Variants in FOCAD observed in about 807,000 individuals in gnomAD.
The protein encoded by FOCAD is focadhesin.
Under a neutral mutation model 225.6 loss-of-function variants are expected in FOCAD, and 198 were observed. The ratio of observed to expected loss-of-function variants is 0.88; its 90% CI spans 0.78 to 0.99. FOCAD has a LOEUF of 0.99. FOCAD is among the 50% of genes least tolerant of loss of function. The pLI, the probability that FOCAD is intolerant of heterozygous loss-of-function variation, is 0.00. For missense variants in FOCAD, 2,713 were observed against 2,123.6 expected (o/e 1.28, Z -5.46); for synonymous variants, 897 against 755.0 (o/e 1.19, Z -3.08).
intron 18 of FOCAD, among the ~76,000 whole-genome samples, chr9:20,870,598 G>A (rs1334407662): frequency 6.6e-6 from 1 of 152,214 alleles, no homozygotes; most frequent in Admixed American, 6.5e-5. Context: ...GCTAAGATAT[G>A]TGGTAAACCA....
At chr9:20,856,704 T>C (rs765551892) in intron 15 of FOCAD, among the ~76,000 whole-genome samples, 4 of 152,082 alleles carry the variant, frequency 2.6e-5, no homozygotes, top group Admixed American at 6.6e-5. Flanking sequence ...TGTTTTCTTA[T>C]AGTAGTTTCA....
chr9:20,846,159 G>C (rs529222065), intron 15 of FOCAD, among the ~76,000 whole-genome samples: 1 of 151,948 alleles, frequency 6.6e-6, no homozygotes, highest in African/African-American at 2.4e-5. Flanking sequence ...CCTCAGCCTC[G>C]TGTGCCCTGT....
chr9:20,876,113 T>C (rs1465060103), intron 19 of FOCAD, among the ~76,000 whole-genome samples: 1 of 152,162 alleles, frequency 6.6e-6, no homozygotes, highest in Non-Finnish European at 1.5e-5. Context: ...TGCCTCCTTT[T>C]ATTAGAGAAA....
chr9:20,686,872 G>A (rs2131325478), intron 1 of FOCAD, among the ~76,000 whole-genome samples: 1 of 152,228 alleles, frequency 6.6e-6, no homozygotes, highest in Non-Finnish European at 1.5e-5. Context: ...GGATATTTGT[G>A]AATTTCCTCC....
chr9:20,792,601 G>T (rs960337124), intron 11 of FOCAD, among the ~76,000 whole-genome samples: 1 of 152,080 alleles, frequency 6.6e-6, no homozygotes, highest in Non-Finnish European at 1.5e-5. Context: ...TCTTTTACTT[G>T]CATCTTACAA....
chr9:20,913,609 C>G (rs746482201), intron 23 of FOCAD, among the ~76,000 whole-genome samples: 1 of 152,004 alleles, frequency 6.6e-6, no homozygotes, highest in Non-Finnish European at 1.5e-5. Context: ...AAAATCTGTC[C>G]GAAGATTATT....
rs1564089788 is a variant in FOCAD, at chr9:20,866,991, C to G, written c.2169C>G (p.Thr723=). Residue 723 remains threonine, a synonymous_variant, in exon 18 of 44, where the codon ACC becomes ACG. Coordinates refer to ENST00000338382, the MANE Select transcript of FOCAD (RefSeq NM_001375567.1). ...SLANFSAGEH[T]ILHLPEKIRP... ...CCAACTTTAGTGCAGGAGAACACAC[C>G]ATTCTTCATCTGCCTGAAAAGGTAG... The G allele has an allele frequency of 1.3e-6, 2 of 1,498,628 alleles. No homozygotes were observed. The highest frequency in any genetic ancestry group is 1.8e-6 in the Non-Finnish European group (2 of 1,110,050). 92.8% of individuals were successfully genotyped at this position (1,498,628 alleles called of 1,614,324 possible).
chr9:20,662,065 C>T (rs1046855562), intron 2 of FOCAD, among the ~76,000 whole-genome samples: 20 of 152,232 alleles, frequency 1.3e-4, no homozygotes, highest in Middle Eastern at 3.4e-3. Context: ...GCCTTAGTTG[C>T]ACAAAGAACT....
At chr9:20,740,031 G>A (rs907217400) in intron 4 of FOCAD, among the ~76,000 whole-genome samples, 2 of 152,084 alleles carry the variant, frequency 1.3e-5, no homozygotes, top group Non-Finnish European at 2.9e-5. Flanking sequence ...TAAGTTGGTG[G>A]TTTGATTCTT....
At chr9:20,672,042 A>T (rs1822079794) in intron 2 of FOCAD, among the ~76,000 whole-genome samples, 1 of 151,274 alleles carries the variant, frequency 6.6e-6, no homozygotes. Context: ...ACTGTAGCTT[A>T]TAAAGACAAC....
intron 35 of FOCAD, among the ~76,000 whole-genome samples, chr9:20,964,162 T>C (rs1361974049): frequency 1.3e-5 from 2 of 151,916 alleles, no homozygotes; most frequent in African/African-American, 4.8e-5. Context: ...GGTCAGGAGT[T>C]CGAGACCAGC....
At chr9:20,712,158 G>A (rs1463509611) in intron 1 of FOCAD, among the ~76,000 whole-genome samples, 3 of 151,678 alleles carry the variant, frequency 2.0e-5, no homozygotes, top group African/African-American at 7.3e-5. Context: ...GACTTTCTAC[G>A]AGACATTTCC....
rs1824346692 is a variant in FOCAD at position 20,705,931 on chromosome 9, T to TG, written c.-32-9391_-32-9390insG. Among the ~76,000 whole-genome samples, 3 of 53,796 alleles carry TG rather than the reference T, an allele frequency of 5.6e-5. No individual in the cohort carries two copies. The South Asian group carries it at 2.3e-3, about 41-fold the overall frequency. 35.3% of individuals were successfully genotyped at this position (53,796 alleles called of 152,430 possible). ...GGCATTATTCAGTTTTAAGTTTTTTTTTTTTTTTTTTTTTTTTTTTTTAAA... is the reference window on the plus strand; with the variant it reads ...GGCATTATTCAGTTTTAAGTTTTTTTGTTTTTTTTTTTTTTTTTTTTTTAAA... On this transcript the variant is annotated intron_variant, in intron 1 of 43. Coordinates refer to ENST00000338382, the MANE Select transcript of FOCAD (RefSeq NM_001375567.1).
chr9:20,770,489 G>A (rs1488129282), intron 8 of FOCAD, among the ~76,000 whole-genome samples: 3 of 152,118 alleles, frequency 2.0e-5, no homozygotes, highest in African/African-American at 7.2e-5. Flanking sequence ...GATACTACAC[G>A]CTTTTAAACA....
At chr9:20,766,084 C>A (rs1412907731) in intron 7 of FOCAD, among the ~76,000 whole-genome samples, 2 of 152,132 alleles carry the variant, frequency 1.3e-5, no homozygotes, top group African/African-American at 4.8e-5. Context: ...GGCAGAACAT[C>A]TTGAACTAGG....
chr9:20,862,973 C>A, intron 16 of FOCAD: 1 of 266,970 alleles, frequency 3.7e-6, no homozygotes, highest in East Asian at 6.9e-5. Flanking sequence ...CTAGTGTTTC[C>A]AAAATAATAG....
rs1827502403 is a variant in FOCAD at position 20,740,291 on chromosome 9, A to T, written c.343A>T (p.Lys115Ter). The T allele has an allele frequency of 6.2e-7, 1 of 1,612,382 alleles. No individual in the cohort carries two copies. The highest frequency in any genetic ancestry group is 2.2e-5 in the East Asian group (1 of 44,784). The part of the protein sequence containing the change: ...IMHLLQMQAL[K>*]EGQGGEKNIQ... ...GCACTTACTACAAATGCAAGCTCTTAAGGAAGGACAAGGTGGGGAAAAGAA... is the reference window on the plus strand; with the variant it reads ...GCACTTACTACAAATGCAAGCTCTTTAGGAAGGACAAGGTGGGGAAAAGAA... The change falls in exon 5 of 44, where the codon AAG becomes TAG. Residue 115 changes from lysine to a stop codon, truncating the protein, a stop_gained. Coordinates refer to ENST00000338382, the MANE Select transcript of FOCAD (RefSeq NM_001375567.1). LOFTEE classifies it high-confidence loss of function.
Position 20,764,969 on chromosome 9 carries a change from C to T in FOCAD, c.595C>T (p.Leu199=). 1.2e-6 allele frequency: 2 copies of T among 1,614,100 alleles called. No homozygotes were observed. Among genetic ancestry groups the T allele is most frequent in the Non-Finnish European group, 1.7e-6 (2 of 1,179,990 alleles). ...ATATGCTAAACTCCGACTAGCCCTG[C>T]TGAAAGTCTTACTTCAACCCCAGGT... The part of the protein sequence containing the change: ...QEYAKLRLAL[L]KVLLQPQVLC... Residue 199 remains leucine (L), a synonymous_variant, in exon 7 of 44, where the codon CTG becomes TTG. Coordinates refer to ENST00000338382, the MANE Select transcript of FOCAD (RefSeq NM_001375567.1).
At chr9:20,719,778 C>CTTTGTTTTT (rs1825632129) in intron 3 of FOCAD, among the ~76,000 whole-genome samples, 1 of 62,112 alleles carries the variant, frequency 1.6e-5, no homozygotes, top group East Asian at 5.1e-4. Flanking sequence ...TTTTCCTAGG[C>CTTTGTTTTT]TTTTTTTTTT....
Sources: gnomAD v4.1 joint callset for allele counts (sites outside exome capture counted in the v4.1 genomes callset) on GRCh38, gnomAD v4.1.1 for gene constraint, MANE v1.5 for transcripts, NCBI Gene and HGNC (gene_info 2026-07-23, HGNC 2026-07-21) for gene names.